Variants in WDFY3 observed in about 807,000 individuals in gnomAD.
WDFY3 encodes WD repeat and FYVE domain-containing protein 3.
Under a neutral mutation model 409.6 loss-of-function variants are expected in WDFY3, and 66 were observed. The observed-to-expected ratio is 0.16, with a 90% CI of 0.13 to 0.20. WDFY3 has a LOEUF of 0.20. Ranked by LOEUF, WDFY3 falls within the 10% of genes least tolerant of loss-of-function variation. The probability of loss-of-function intolerance (pLI) is 1.00; values close to 1 mark genes in which losing one functional copy is unlikely to be tolerated. For missense variants in WDFY3, 3,031 were observed against 4,298.1 expected, an observed-to-expected ratio of 0.71 and a Z score of 8.24; for synonymous variants, 1,521 against 1,537.1, an observed-to-expected ratio of 0.99 and a Z score of 0.25.
At chr4:84,909,127 A>G (rs1033747855) in intron 2 of WDFY3, among the ~76,000 whole-genome samples, 1 of 152,136 alleles carries the variant, frequency 6.6e-6, no homozygotes, top group African/African-American at 2.4e-5. Context: ...AATGTAATAA[A>G]ACAAGATGGG....
At chr4:84,751,856 T>C (rs756071339) in intron 35 of WDFY3, 140 bp from the exon 36 acceptor site, 9 of 853,112 alleles carry the variant, frequency 1.1e-5, no homozygotes, top group Non-Finnish European at 1.6e-5. Flanking sequence ...TCTGCTTTAC[T>C]CGACCCTTCC....
chr4:84,805,974 A>G (rs998917905), intron 15 of WDFY3, among the ~76,000 whole-genome samples: 1 of 152,114 alleles, frequency 6.6e-6, no homozygotes, highest in Non-Finnish European at 1.5e-5. Flanking sequence ...TTTTCCCCCA[A>G]TCCTTAAAAT....
At chr4:84,942,866 C>A (rs908885905) in intron 1 of WDFY3, among the ~76,000 whole-genome samples, 2 of 152,122 alleles carry the variant, frequency 1.3e-5, no homozygotes, top group South Asian at 2.1e-4. Flanking sequence ...CTGTGGCTAA[C>A]CTTTTTATTT....
intron 1 of WDFY3, among the ~76,000 whole-genome samples, chr4:84,937,283 CTT>C (rs1771542249): frequency 6.6e-6 from 1 of 152,126 alleles, no homozygotes; most frequent in South Asian, 2.1e-4. Context: ...TGCTGATACA[CTT>C]TCTTTTATTG....
intron 44 of WDFY3, among the ~76,000 whole-genome samples, chr4:84,732,553 G>A (rs1736777961): frequency 6.6e-6 from 1 of 152,032 alleles, no homozygotes; most frequent in Non-Finnish European, 1.5e-5. Flanking sequence ...CTTGGCCTCT[G>A]GAAACCTTCA....
intron 4 of WDFY3, among the ~76,000 whole-genome samples, chr4:84,856,259 T>C (rs1041270899): frequency 6.6e-6 from 1 of 152,150 alleles, no homozygotes; most frequent in Non-Finnish European, 1.5e-5. Flanking sequence ...CAAATATAAA[T>C]TGGAAATAAG....
At chr4:84,875,263 A>AACAC (rs58589086) in intron 3 of WDFY3, among the ~76,000 whole-genome samples, 12,546 of 137,410 alleles carry the variant, frequency 0.091, 673 homozygotes, top group African/African-American at 0.15. Flanking sequence ...GCAAGACTCA[A>AACAC]ACACACACAC....
In WDFY3 at chr4:84,787,631, G is replaced by A. The variant is rs776453409; in HGVS notation, c.3752C>T (p.Thr1251Ile). ...VVSTVYAYIG[T>I]PPAQRQIASL... Reference sequence around the variant, plus strand: ...GGCAATTTGGCGTTGGGCAGGTGGAGTACCAATGTAGGCATAGACCGTGCT... The same window carrying A: ...GGCAATTTGGCGTTGGGCAGGTGGAATACCAATGTAGGCATAGACCGTGCT... The change falls in exon 23 of 68, where the codon ACT becomes ATT. Residue 1251 changes from threonine (T) to isoleucine (I), a missense_variant. Around this residue, in one of 16 missense-constraint regions of WDFY3, gnomAD observed 1,322 missense variants for 1,697.9 expected, o/e 0.78. Transcript: ENST00000295888. 7.4e-6 allele frequency: 12 copies of A among 1,614,184 alleles called. No individual in the cohort carries two copies. In the South Asian group the frequency reaches 1.1e-4, roughly 15 times the overall value.
intron 6 of WDFY3, 35 bp downstream of exon 6, chr4:84,841,119 C>T (rs755996040): frequency 1.1e-4 from 170 of 1,504,830 alleles, no homozygotes; most frequent in Non-Finnish European, 1.4e-4. Context: ...AAAATAAAGA[C>T]GCTGAGTTAT....
At chr4:84,887,002 T>C (rs543615505) in intron 3 of WDFY3, among the ~76,000 whole-genome samples, 3 of 149,158 alleles carry the variant, frequency 2.0e-5, no homozygotes, top group East Asian at 3.9e-4. Flanking sequence ...ACATTAATAA[T>C]GTATAAAACA....
intron 67 of WDFY3, among the ~76,000 whole-genome samples, chr4:84,675,085 C>T (rs1342112906): frequency 3.3e-5 from 5 of 151,688 alleles, no homozygotes; most frequent in Admixed American, 2.6e-4. Context: ...ATTCTCTCGC[C>T]TCAACCTCCT....
chr4:84,774,023 C>A (rs866739939), intron 29 of WDFY3, among the ~76,000 whole-genome samples: 20 of 152,232 alleles, frequency 1.3e-4, no homozygotes, highest in African/African-American at 4.1e-4. Flanking sequence ...CCCGGCCCCC[C>A]AGGTTTAAAA....
chr4:84,830,377 T>C lies in WDFY3; in HGVS notation c.769+1036A>G, dbSNP rs1313434208. On this transcript the variant is annotated intron_variant, in intron 8 of 67. Transcript: ENST00000295888. ...AGGTATTTAATACTTTACTATAAAG[T>C]TGATTTTGTGTTAGATGATCTTACC... Among the ~76,000 whole-genome samples, 4 of 152,170 alleles carry C rather than the reference T, an allele frequency of 2.6e-5. No individual in the cohort carries two copies. In the East Asian group the frequency reaches 5.8e-4, roughly 22 times the overall value.
At chr4:84,766,571 T>C (rs868728679) in intron 30 of WDFY3, among the ~76,000 whole-genome samples, 199 bp from the exon 31 acceptor site, 2 of 152,240 alleles carry the variant, frequency 1.3e-5, no homozygotes. Context: ...CATTTACATT[T>C]GACATTTCCT....
intron 1 of WDFY3, among the ~76,000 whole-genome samples, chr4:84,933,663 G>A (rs4568231): frequency 1 from 152,063 of 152,090 alleles, 76,018 homozygotes; most frequent in East Asian, 1. Context: ...AACTATCCCC[G>A]CTCTTGCCCC....
intron 32 of WDFY3, among the ~76,000 whole-genome samples, chr4:84,760,569 T>C (rs1358226020): frequency 6.6e-6 from 1 of 152,248 alleles, no homozygotes; most frequent in Admixed American, 6.5e-5. Flanking sequence ...CCATTTCTTC[T>C]AGATTTTCTA....
chr4:84,859,885 G>A (rs1035805524), intron 4 of WDFY3, among the ~76,000 whole-genome samples: 10 of 152,062 alleles, frequency 6.6e-5, no homozygotes, highest in African/African-American at 2.2e-4. Context: ...TAAAAAAATT[G>A]TTATTTTAAA....
At chr4:84,708,888 G>A in intron 53 of WDFY3, 21 bp downstream of exon 53, 3 of 1,608,876 alleles carry the variant, frequency 1.9e-6, no homozygotes, top group Non-Finnish European at 1.7e-6. Context: ...TTCTACGTAA[G>A]CAAAATGACT....
intron 64 of WDFY3, 52 bp downstream of exon 64, chr4:84,682,322 C>G: frequency 1.3e-6 from 2 of 1,554,498 alleles, no homozygotes; most frequent in Non-Finnish European, 1.8e-6. Context: ...TCCACAGTGA[C>G]TTAAAAGAAA....
Sources: gnomAD v4.1 joint callset for allele counts (sites outside exome capture counted in the v4.1 genomes callset) on GRCh38, gnomAD v4.1.1 for gene constraint, gnomAD v4.1.1 regional missense constraint, MANE v1.5 for transcripts, NCBI Gene and HGNC (gene_info 2026-07-23, HGNC 2026-07-21) for gene names.